The following TBC1D23 variants were observed in gnomAD, a reference collection of about 807,000 sequenced individuals.
The protein encoded by TBC1D23 is TBC1 domain family member 23.
TBC1D23 carries 55 observed loss-of-function variants against 91.4 expected under a neutral mutation model. That is an observed-to-expected ratio of 0.60 (90% CI 0.48 to 0.75). TBC1D23 has a LOEUF of 0.75. Ranked by LOEUF, TBC1D23 falls within the 30% of genes least tolerant of loss-of-function variation. TBC1D23 has a pLI of 0.00. For missense variants in TBC1D23, 725 were observed against 836.1 expected (o/e 0.87, Z 1.64); for synonymous variants, 289 against 281.0 (o/e 1.03, Z -0.28).
Position 100,295,072 on chromosome 3 carries a change from A to G in TBC1D23, c.601-15A>G. On this transcript the variant is annotated splice_polypyrimidine_tract_variant and intron_variant, in intron 5 of 18. Coordinates refer to ENST00000394144, the MANE Select transcript of TBC1D23 (RefSeq NM_001199198.3). Reference sequence around the variant, plus strand: ...TCCAGTGGTTTATGTCTCTCATTTCATTTCCTGATTACAGCTTGGAAGTCT... The same window carrying G: ...TCCAGTGGTTTATGTCTCTCATTTCGTTTCCTGATTACAGCTTGGAAGTCT... 1 of 1,560,010 alleles carries G rather than the reference A, an allele frequency of 6.4e-7. No homozygotes were observed. The highest frequency in any genetic ancestry group is 1.2e-5 in the South Asian group (1 of 81,198).
intron 13 of TBC1D23, among the ~76,000 whole-genome samples, chr3:100,307,044 G>A (rs1705528652): frequency 6.6e-6 from 1 of 152,158 alleles, no homozygotes; most frequent in African/African-American, 2.4e-5. Flanking sequence ...TTGAGAATTG[G>A]CCAGGCAGAG....
At chr3:100,280,075 A>T (rs781767566) in intron 2 of TBC1D23, among the ~76,000 whole-genome samples, 1 of 152,170 alleles carries the variant, frequency 6.6e-6, no homozygotes, top group African/African-American at 2.4e-5. Context: ...ACCTGAGGTC[A>T]GGAGTTCAAG....
intron 1 of TBC1D23, 183 bp from the exon 2 acceptor site, chr3:100,279,466 G>A (rs1475308379): frequency 1.4e-5 from 6 of 425,096 alleles, no homozygotes; most frequent in East Asian, 1.1e-4. Context: ...AGAGTAAATT[G>A]ACTGTATGAA....
intron 15 of TBC1D23, chr3:100,315,774 A>G (rs1001553129): frequency 1.4e-5 from 4 of 290,052 alleles, no homozygotes; most frequent in African/African-American, 4.2e-5. Context: ...AATCAGAAAC[A>G]CAAAAGGCTA....
chr3:100,298,744 T>C (rs1291673569), intron 9 of TBC1D23, among the ~76,000 whole-genome samples: 3 of 152,222 alleles, frequency 2.0e-5, no homozygotes, highest in South Asian at 2.1e-4. Context: ...TGAAAACATG[T>C]TATCCAGTTT....
Position 100,279,668 on chromosome 3 carries a change from G to T in TBC1D23, c.73G>T (p.Ala25Ser). ...GDGWEKDLEE[A>S]LEAGGCDLET... ...TTTTAGGGAAAAAGATCTTGAAGAA[G>T]CTCTGGAAGCAGGAGGTTGTGATCT... The change falls in exon 2 of 19, where the codon GCT becomes TCT. Residue 25 changes from alanine (A) to serine (S), a missense_variant. By Grantham distance (99) the Ala-to-Ser change is moderately conservative. Transcript: ENST00000394144. 1 of 1,603,166 alleles carries T rather than the reference G, an allele frequency of 6.2e-7. No homozygotes were observed. Among genetic ancestry groups the T allele is most frequent in the South Asian group, 1.1e-5 (1 of 89,566 alleles).
In TBC1D23 at chr3:100,324,143, TTCAC is replaced by T; in HGVS notation, c.*481_*484del. The stretch of plus-strand genomic sequence containing the variant: ...CAGAAACTAAAACATAGATTAATAA[TTCAC>T]TCACTGTTTCTATTCTTCTTAAAAA... On this transcript the variant is annotated 3_prime_UTR_variant, in exon 19 of 19. Coordinates refer to ENST00000394144, the MANE Select transcript of TBC1D23 (RefSeq NM_001199198.3). 6.6e-6 allele frequency: 1 copy of T among 152,320 alleles called. No individual in the cohort carries two copies. The highest frequency in any genetic ancestry group is 1.5e-5 in the Non-Finnish European group (1 of 68,014). 9.4% of individuals were successfully genotyped at this position (152,320 alleles called of 1,614,324 possible).
chr3:100,296,327 TTTTATTAC>T, intron 8 of TBC1D23, 52 bp downstream of exon 8: 1 of 1,015,294 alleles, frequency 9.8e-7, no homozygotes, highest in Non-Finnish European at 1.5e-6. Flanking sequence ...TTGTACATTG[TTTTATTAC>T]TTTATATTCA....
At chr3:100,281,615 G>C in intron 2 of TBC1D23, 127 bp from the exon 3 acceptor site, 2 of 554,914 alleles carry the variant, frequency 3.6e-6, no homozygotes, top group Non-Finnish European at 6.4e-6. Flanking sequence ...ACATTTGGTG[G>C]AGTATGGATA....
intron 4 of TBC1D23, among the ~76,000 whole-genome samples, chr3:100,288,008 A>G (rs139678156): frequency 1.5e-3 from 226 of 152,186 alleles, no homozygotes; most frequent in African/African-American, 5.2e-3. Flanking sequence ...TTGGGAGGCC[A>G]GGGCAGGCAG....
chr3:100,290,147 C>G (rs1039690532), intron 4 of TBC1D23, among the ~76,000 whole-genome samples: 16 of 152,126 alleles, frequency 1.1e-4, no homozygotes, highest in African/African-American at 3.9e-4. Flanking sequence ...TGTTCACCTG[C>G]CCATTTCAGA....
chr3:100,320,779 A>T lies in TBC1D23; in HGVS notation c.1826A>T (p.His609Leu). 6.8e-7 allele frequency: 1 copy of T among 1,464,634 alleles called. No homozygotes were observed. The highest frequency in any genetic ancestry group is 9.1e-7 in the Non-Finnish European group (1 of 1,104,610). 90.7% of individuals were successfully genotyped at this position (1,464,634 alleles called of 1,614,324 possible). A position where few individuals can be genotyped will look rare whatever the true frequency, so the allele number is the denominator to read the frequency against. ...TTTAATGCTTTTTTTGTCTCAAGTCATCTGTTGGTTACTGCAACACATATG... is the reference window on the plus strand; with the variant it reads ...TTTAATGCTTTTTTTGTCTCAAGTCTTCTGTTGGTTACTGCAACACATATG... Reference protein sequence around the residue: ...VKESGHMFPSHLLVTATHMYC... With the variant: ...VKESGHMFPSLLLVTATHMYC... Residue 609 changes from histidine to leucine, a missense_variant and splice_region_variant, in exon 18 of 19, where the codon CAT becomes CTT. By Grantham distance (99) the His-to-Leu change is moderately conservative. Transcript: ENST00000394144.
In TBC1D23 at chr3:100,281,844, A is replaced by T. The variant is rs1310409893; in HGVS notation, c.268A>T (p.Ile90Phe). 2.5e-6 allele frequency: 4 copies of T among 1,596,214 alleles called. No homozygotes were observed. Among genetic ancestry groups the T allele is most frequent in the Admixed American group, 1.7e-5 (1 of 58,794 alleles). The stretch of plus-strand genomic sequence containing the variant: ...TATTCACAAAGATTGCCTGCAGTTT[A>T]TTGGTAAGCTGAATAATCACTTTCA... ...NTIHKDCLQF[I>F]DQLSVPEEKA... Residue 90 changes from isoleucine to phenylalanine, a missense_variant, in exon 3 of 19, where the codon ATT (isoleucine) becomes TTT (phenylalanine). Physicochemically the swap from Ile to Phe is conservative, Grantham distance 21. Transcript: ENST00000394144.
chr3:100,310,437 T>G lies in TBC1D23; in HGVS notation c.1448T>G (p.Met483Arg), dbSNP rs2148868771. The G allele has an allele frequency of 6.2e-7, 1 of 1,612,866 alleles. No homozygotes were observed. Among genetic ancestry groups the G allele is most frequent in the Middle Eastern group, 1.7e-4 (1 of 6,056 alleles). ...ESPNGSSDRG[M>R]KSLVNKMTVA... The stretch of plus-strand genomic sequence containing the variant: ...CCTAATGGCTCAAGTGATAGAGGAA[T>G]GAAATCACTAGTAAATAAAATGACT... The change falls in exon 14 of 19, where the codon ATG becomes AGG. Residue 483 changes from methionine (M) to arginine (R), a missense_variant. Physicochemically the swap from Met to Arg is moderately conservative, Grantham distance 91. Coordinates refer to ENST00000394144, the MANE Select transcript of TBC1D23 (RefSeq NM_001199198.3).
rs199864870 is a variant in TBC1D23 at position 100,312,438 on chromosome 3, GA to G, written c.1598+569del. On this transcript the variant is annotated intron_variant, in intron 15 of 18. Transcript: ENST00000394144. The stretch of plus-strand genomic sequence containing the variant: ...TAGGGTTCTGCCTTTGGTTTTTGTT[GA>G]AAAAAAATTACATTTTTTTCTAGGT... Among the ~76,000 whole-genome samples the G allele has an allele frequency of 5.0e-3, 754 of 151,642 alleles. 1 individual carries two copies. The highest frequency in any genetic ancestry group is 8.4e-3 in the Non-Finnish European group (571 of 67,876).
intron 3 of TBC1D23, 46 bp from the exon 4 acceptor site, chr3:100,283,561 C>T (rs2067713269): frequency 1.5e-6 from 2 of 1,315,996 alleles, no homozygotes; most frequent in South Asian, 1.2e-5. Flanking sequence ...CAATAACAGC[C>T]CCTGACAGGC....
intron 10 of TBC1D23, among the ~76,000 whole-genome samples, chr3:100,300,575 C>G (rs1488874249): frequency 2.0e-5 from 3 of 146,870 alleles, no homozygotes; most frequent in African/African-American, 5.0e-5. Context: ...GATCTTGGCT[C>G]ACTGCAACCT....
At chr3:100,302,576 A>G (rs1705452060) in intron 11 of TBC1D23, among the ~76,000 whole-genome samples, 1 of 151,592 alleles carries the variant, frequency 6.6e-6, no homozygotes, top group East Asian at 1.9e-4. Context: ...TTGATCTTTT[A>G]TTTTTTTTCT....
chr3:100,263,199 T>C (rs1338227280), intron 1 of TBC1D23, among the ~76,000 whole-genome samples: 2 of 151,836 alleles, frequency 1.3e-5, no homozygotes, highest in Admixed American at 1.3e-4. Flanking sequence ...GCGGGCAGAG[T>C]GGGTGTCCCA....
Sources: gnomAD v4.1 joint callset for allele counts (sites outside exome capture counted in the v4.1 genomes callset) on GRCh38, gnomAD v4.1.1 for gene constraint, MANE v1.5 for transcripts, NCBI Gene and HGNC (gene_info 2026-07-23, HGNC 2026-07-21) for gene names.